The following SCHIP1 variants were observed in gnomAD, a reference collection of about 807,000 sequenced individuals.
SCHIP1 encodes the protein schwannomin-interacting protein 1.
A neutral mutation model predicts 29.7 loss-of-function variants in SCHIP1; 8 were observed. The observed-to-expected ratio is 0.27, with a 90% CI of 0.16 to 0.49. The LOEUF (loss-of-function observed/expected upper bound fraction) is 0.49. Ranked by LOEUF, SCHIP1 falls within the 20% of genes least tolerant of loss-of-function variation. The pLI, the probability that SCHIP1 is intolerant of heterozygous loss-of-function variation, is 0.99. For missense variants in SCHIP1, 193 were observed against 294.6 expected (o/e 0.66, Z 2.52); for synonymous variants, 76 against 94.9 (o/e 0.80, Z 1.16).
the SCHIP1 span, among the ~76,000 whole-genome samples, chr3:159,832,842 G>A: frequency 3.3e-5 from 5 of 152,044 alleles, no homozygotes; most frequent in Non-Finnish European, 4.4e-5. Context: ...AGTTACCATC[G>A]GTCAACTGTG....
chr3:159,424,857 A>G, the SCHIP1 span, among the ~76,000 whole-genome samples: 5 of 152,106 alleles, frequency 3.3e-5, no homozygotes, highest in Non-Finnish European at 7.4e-5. Context: ...CAGAAACTCT[A>G]AAAGCCAGAA....
the SCHIP1 span, among the ~76,000 whole-genome samples, chr3:159,559,530 G>A: frequency 6.6e-6 from 1 of 152,026 alleles, no homozygotes; most frequent in Non-Finnish European, 1.5e-5. Context: ...ATATTAGCTA[G>A]AACATTTGCT....
At chr3:159,863,322 G>A (rs1714254863) in intron 1 of SCHIP1, among the ~76,000 whole-genome samples, 1 of 151,050 alleles carries the variant, frequency 6.6e-6, no homozygotes, top group Admixed American at 6.6e-5. Flanking sequence ...CCTGGTGACA[G>A]AGCGAGACTC....
At chr3:159,608,168 C>T in the SCHIP1 span, among the ~76,000 whole-genome samples, 1 of 152,142 alleles carries the variant, frequency 6.6e-6, no homozygotes, top group Non-Finnish European at 1.5e-5. Flanking sequence ...TTCCAGAAAG[C>T]CATGATGATG....
At chr3:159,688,047 G>A in the SCHIP1 span, among the ~76,000 whole-genome samples, 2 of 152,184 alleles carry the variant, frequency 1.3e-5, no homozygotes, top group Non-Finnish European at 2.9e-5. Flanking sequence ...CGTGAATAGT[G>A]CTGCAGTAAA....
the SCHIP1 span, among the ~76,000 whole-genome samples, chr3:159,395,349 A>T: frequency 0.027 from 4,110 of 151,922 alleles, 74 homozygotes; most frequent in East Asian, 0.11. Flanking sequence ...AGTTATTTCT[A>T]GCCTTCTGCT....
chr3:159,884,128 C>T (rs1332806687), intron 2 of SCHIP1, among the ~76,000 whole-genome samples: 4 of 152,222 alleles, frequency 2.6e-5, no homozygotes, highest in Admixed American at 6.5e-5. Context: ...ATCCTAGATT[C>T]AAATTAGGGT....
chr3:159,866,464 G>A (rs1714639540), intron 2 of SCHIP1, among the ~76,000 whole-genome samples, 183 bp downstream of exon 3: 1 of 151,896 alleles, frequency 6.6e-6, no homozygotes, highest in South Asian at 2.1e-4. Context: ...CTTTGTTGTT[G>A]TTGTTGTTAT....
the SCHIP1 span, among the ~76,000 whole-genome samples, chr3:159,666,976 C>G: frequency 6.6e-6 from 1 of 152,148 alleles, no homozygotes; most frequent in Non-Finnish European, 1.5e-5. Flanking sequence ...GTTTTCTGGC[C>G]TGTAAATGGA....
chr3:159,881,473 G>A (rs1322906351), intron 2 of SCHIP1, among the ~76,000 whole-genome samples: 4 of 152,214 alleles, frequency 2.6e-5, no homozygotes, highest in Non-Finnish European at 5.9e-5. Flanking sequence ...AGCAATGCAT[G>A]TTCGAAGTCC....
At chr3:159,628,588 A>T in the SCHIP1 span, among the ~76,000 whole-genome samples, 16 of 152,314 alleles carry the variant, frequency 1.1e-4, no homozygotes, top group Non-Finnish European at 2.1e-4. Flanking sequence ...AGAATTACAC[A>T]AACATTCTAG....
chr3:159,629,911 TAAAGTATTGC>T, the SCHIP1 span, among the ~76,000 whole-genome samples: 1 of 152,144 alleles, frequency 6.6e-6, no homozygotes, highest in East Asian at 1.9e-4. Context: ...GACAAGTAAA[TAAAGTATTGC>T]AAGACACTAT....
chr3:159,298,291 C>A, the SCHIP1 span, among the ~76,000 whole-genome samples: 1 of 152,178 alleles, frequency 6.6e-6, no homozygotes. Flanking sequence ...CTTACCACTT[C>A]CCAAACTACT....
chr3:159,633,887 G>A, the SCHIP1 span, among the ~76,000 whole-genome samples: 1 of 152,182 alleles, frequency 6.6e-6, no homozygotes, highest in South Asian at 2.1e-4. Context: ...AGGGTTTTTT[G>A]AAATATTTGG....
intron 2 of SCHIP1, among the ~76,000 whole-genome samples, chr3:159,871,248 A>G (rs1178662918): frequency 2.7e-5 from 4 of 150,258 alleles, no homozygotes; most frequent in Non-Finnish European, 4.4e-5. Context: ...GTTGGCATGC[A>G]TCATCTGCTT....
chr3:159,493,168 C>G, the SCHIP1 span, among the ~76,000 whole-genome samples: 3 of 152,182 alleles, frequency 2.0e-5, no homozygotes, highest in African/African-American at 7.2e-5. Flanking sequence ...TAAAGACCAT[C>G]AAGGCTAGGA....
chr3:159,473,436 AG>A, the SCHIP1 span, among the ~76,000 whole-genome samples: 1 of 152,124 alleles, frequency 6.6e-6, no homozygotes, highest in African/African-American at 2.4e-5. Context: ...GAATAAGCTT[AG>A]AAAAATGTGA....
the SCHIP1 span, among the ~76,000 whole-genome samples, chr3:159,572,741 G>C: frequency 5.9e-5 from 9 of 152,132 alleles, no homozygotes; most frequent in African/African-American, 2.2e-4. Context: ...AGTATTGTGT[G>C]GGAGTCTTAG....
chr3:159,516,315 T>G, the SCHIP1 span, among the ~76,000 whole-genome samples: 73 of 152,200 alleles, frequency 4.8e-4, no homozygotes, highest in African/African-American at 1.7e-3. Flanking sequence ...TTTGGCCAAG[T>G]CTCTTCCTGA....
Sources: allele counts gnomAD v4.1 joint callset (sites outside exome capture counted in the v4.1 genomes callset), GRCh38; gene constraint gnomAD v4.1.1; transcripts MANE v1.5; gene names NCBI Gene and HGNC (gene_info 2026-07-23, HGNC 2026-07-21).